Variants in GGNBP2 observed in about 807,000 individuals in gnomAD.
GGNBP2 encodes gametogenetin-binding protein 2.
GGNBP2 carries 10 observed loss-of-function variants against 85.9 expected under a neutral mutation model. The ratio of observed to expected loss-of-function variants is 0.12; its 90% CI spans 0.07 to 0.20. The LOEUF (loss-of-function observed/expected upper bound fraction) is 0.20. GGNBP2 is among the 10% of genes least tolerant of loss of function. The pLI is 1.00. For synonymous variants in GGNBP2, 287 were observed against 285.7 expected (o/e 1.00, Z -0.05); for missense variants, 595 against 857.8 (o/e 0.69, Z 3.83).
At chr17:36,575,252 C>T (rs932046689) in intron 6 of GGNBP2, 7 of 617,044 alleles carry the variant, frequency 1.1e-5, no homozygotes, top group Non-Finnish European at 2.1e-5. Flanking sequence ...ACTGCCGAAA[C>T]CTCCACGGAA....
At chr17:36,582,917 A>G (rs975745093) in intron 9 of GGNBP2, among the ~76,000 whole-genome samples, 1 of 152,162 alleles carries the variant, frequency 6.6e-6, no homozygotes, top group Non-Finnish European at 1.5e-5. Flanking sequence ...ATTTTAAGCT[A>G]CTCCTTCAAA....
At chr17:36,563,048 C>T (rs981788459) in intron 5 of GGNBP2, among the ~76,000 whole-genome samples, 3 of 144,598 alleles carry the variant, frequency 2.1e-5, no homozygotes, top group African/African-American at 5.1e-5. Flanking sequence ...GGTGGATTCT[C>T]TGAGGTCGGG....
Position 36,584,707 on chromosome 17 carries a change from G to A in GGNBP2, c.1216-593G>A, listed in dbSNP as rs147461243. ...CTCATGCCTGTAATCCTAGCACTTT[G>A]GGAAGCCATGGCAGAAGGATTGCTT... On this transcript the variant is annotated intron_variant, in intron 9 of 13. Transcript: ENST00000613102. 5.6e-3 allele frequency among the ~76,000 whole-genome samples: 849 copies of A among 152,288 alleles called. 6 individuals carry two copies. Among genetic ancestry groups the A allele is most frequent in the Middle Eastern group, 0.014 (4 of 294 alleles).
rs577848793 is a variant in GGNBP2, at chr17:36,562,550, C to G, written c.527+1679C>G. Among the ~76,000 whole-genome samples, 608 of 150,720 alleles carry G rather than the reference C, an allele frequency of 4.0e-3. 5 individuals carry two copies. Among genetic ancestry groups the G allele is most frequent in the Non-Finnish European group, 3.3e-3 (224 of 67,726 alleles). ...TTTTTTTTTTTTTGACCTGAACTTC[C>G]GAGTTACACCATTATTGTATAGACA... On this transcript the variant is annotated intron_variant, in intron 5 of 13. Transcript: ENST00000613102.
chr17:36,582,981 G>A (rs2074665618), intron 9 of GGNBP2, among the ~76,000 whole-genome samples: 2 of 152,038 alleles, frequency 1.3e-5, no homozygotes, highest in Admixed American at 6.6e-5. Flanking sequence ...AATAAAATGA[G>A]AGTGAGAAGA....
At position 36,552,551 on chromosome 17, in the gene GGNBP2, A is replaced by C. The variant is rs1045984612; in HGVS notation, c.94-2269A>C. On this transcript the variant is annotated intron_variant, in intron 2 of 13. Coordinates refer to ENST00000613102, the MANE Select transcript of GGNBP2 (RefSeq NM_024835.5). The stretch of plus-strand genomic sequence containing the variant: ...ATGAAAGTGCTTATAACAATGTCTA[A>C]TACACATGAAGTGTCTTTATTATTA... Among the ~76,000 whole-genome samples, 85 of 152,222 alleles carry C rather than the reference A, an allele frequency of 5.6e-4. 1 individual carries two copies. The highest frequency in any genetic ancestry group is 4.3e-4 in the Non-Finnish European group (29 of 68,042).
At chr17:36,558,340 G>T (rs550353186) in intron 4 of GGNBP2, among the ~76,000 whole-genome samples, 15 of 145,066 alleles carry the variant, frequency 1.0e-4, no homozygotes, top group African/African-American at 3.8e-4. Context: ...TCTTGAACCC[G>T]GGAGGCGGCA....
At chr17:36,585,623 G>T in intron 10 of GGNBP2, 173 bp downstream of exon 10, 3 of 619,470 alleles carry the variant, frequency 4.8e-6, no homozygotes, top group South Asian at 5.6e-5. Context: ...TATGTTCTTT[G>T]ACTTATTTTT....
intron 6 of GGNBP2, chr17:36,574,820 A>G: frequency 1.5e-6 from 1 of 676,432 alleles, no homozygotes; most frequent in Non-Finnish European, 2.7e-6. Flanking sequence ...GGGCTTGCTG[A>G]TCTTGTTCCC....
intron 6 of GGNBP2, chr17:36,576,593 ATATGTG>A (rs1243270905): frequency 2.2e-5 from 1 of 46,026 alleles, no homozygotes; most frequent in Non-Finnish European, 4.1e-5. Flanking sequence ...AAATATATAT[ATATGTG>A]TGTGTGTGTG....
intron 2 of GGNBP2, among the ~76,000 whole-genome samples, chr17:36,552,242 G>A (rs1007148029): frequency 6.6e-6 from 1 of 152,170 alleles, no homozygotes; most frequent in African/African-American, 2.4e-5. Context: ...ATTTTTGTGT[G>A]TCTTAAACCT....
In GGNBP2 at chr17:36,567,753, A is replaced by G. The variant is rs1555606070; in HGVS notation, c.618A>G (p.Leu206=). ...ACTCGAGTTGTCTTTTAGAAACACT[A>G]GAAACATATCTGCGAAAACACAGGT... is the stretch of plus-strand genomic sequence containing the variant. ...LIDSSCLLET[L]ETYLRKHRFC... The change falls in exon 6 of 14, where the codon CTA becomes CTG. Residue 206 remains leucine, a synonymous_variant. Coordinates refer to ENST00000613102, the MANE Select transcript of GGNBP2 (RefSeq NM_024835.5). 3 of 1,594,604 alleles carry G rather than the reference A, an allele frequency of 1.9e-6. No individual in the cohort carries two copies. The highest frequency in any genetic ancestry group is 1.7e-6 in the Non-Finnish European group (2 of 1,162,494).
intron 5 of GGNBP2, among the ~76,000 whole-genome samples, chr17:36,563,028 G>A (rs967776796): frequency 2.5e-4 from 38 of 149,842 alleles, no homozygotes; most frequent in African/African-American, 8.8e-4. Flanking sequence ...CACTTTGGGA[G>A]GCCAAGTTGG....
intron 12 of GGNBP2, 155 bp from the exon 13 acceptor site, chr17:36,586,842 C>T: frequency 1.5e-6 from 1 of 686,406 alleles, no homozygotes; most frequent in Non-Finnish European, 2.4e-6. Flanking sequence ...TGGTCTTGAA[C>T]ACTTGACCTC....
chr17:36,569,593 A>G (rs1405950011), intron 6 of GGNBP2, among the ~76,000 whole-genome samples: 2 of 152,224 alleles, frequency 1.3e-5, no homozygotes, highest in Non-Finnish European at 2.9e-5. Flanking sequence ...TCATTACTTT[A>G]TGTGGCAGTA....
At chr17:36,554,109 G>A (rs558828055) in intron 2 of GGNBP2, among the ~76,000 whole-genome samples, 85 of 151,836 alleles carry the variant, frequency 5.6e-4, no homozygotes, top group Non-Finnish European at 1.1e-3. Flanking sequence ...AGGAGTTCGA[G>A]ACCAGCCTGG....
intron 2 of GGNBP2, among the ~76,000 whole-genome samples, chr17:36,554,152 T>TA (rs2074337266): frequency 6.6e-6 from 1 of 151,184 alleles, no homozygotes. Context: ...CTACTAAAAA[T>TA]ACAAAAATTA....
At chr17:36,577,835 C>A in intron 6 of GGNBP2, 148 bp from the exon 7 acceptor site, 1 of 670,968 alleles carries the variant, frequency 1.5e-6, no homozygotes, top group Admixed American at 2.4e-5. Context: ...TTGTATTTAC[C>A]TTATGTGCGT....
chr17:36,585,667 A>G, intron 10 of GGNBP2, 173 bp from the exon 11 acceptor site: 2 of 629,360 alleles, frequency 3.2e-6, no homozygotes, highest in Non-Finnish European at 5.2e-6. Flanking sequence ...TCCTAATCAT[A>G]TTTTCATTAT....
Sources: allele counts gnomAD v4.1 joint callset (sites outside exome capture counted in the v4.1 genomes callset), GRCh38; gene constraint gnomAD v4.1.1; transcripts MANE v1.5; gene names NCBI Gene and HGNC (gene_info 2026-07-23, HGNC 2026-07-21).